LNPK: variants seen among roughly 807,000 people sequenced by gnomAD.
LNPK encodes lunapark, ER junction formation factor, also known as endoplasmic reticulum junction formation protein lunapark.
In LNPK, 29 loss-of-function variants were observed where a neutral mutation model predicts 55.2. That is an observed-to-expected ratio of 0.53 (90% CI 0.39 to 0.72). The LOEUF (loss-of-function observed/expected upper bound fraction) is 0.72. Ranked by LOEUF, LNPK falls within the 30% of genes least tolerant of loss-of-function variation. The pLI is 0.00. For synonymous variants in LNPK, 162 were observed against 168.2 expected, an observed-to-expected ratio of 0.96 and a Z score of 0.29; for missense variants, 467 against 494.8, an observed-to-expected ratio of 0.94 and a Z score of 0.53.
intron 1 of LNPK, among the ~76,000 whole-genome samples, chr2:175,998,611 T>C (rs531934379): frequency 6.6e-6 from 1 of 152,314 alleles, no homozygotes; most frequent in South Asian, 2.1e-4. Flanking sequence ...ATGTAAAATA[T>C]ATGAAACCAC....
At chr2:175,996,042 G>A (rs1687918319) in intron 1 of LNPK, among the ~76,000 whole-genome samples, 1 of 151,748 alleles carries the variant, frequency 6.6e-6, no homozygotes, top group South Asian at 2.1e-4. Context: ...TGAACTCCTG[G>A]CCTCAAGTGA....
At chr2:175,955,775 C>A (rs1265347653) in intron 8 of LNPK, among the ~76,000 whole-genome samples, 3 of 152,096 alleles carry the variant, frequency 2.0e-5, no homozygotes, top group Admixed American at 1.3e-4. Flanking sequence ...AGTGAGTAAA[C>A]TCTAAAACCT....
intron 8 of LNPK, among the ~76,000 whole-genome samples, chr2:175,950,184 G>A (rs1273344566): frequency 6.6e-6 from 1 of 151,988 alleles, no homozygotes; most frequent in Non-Finnish European, 1.5e-5. Flanking sequence ...TACTCACTGA[G>A]GATGATGACA....
At chr2:175,942,628 G>C (rs1477209996) in intron 9 of LNPK, among the ~76,000 whole-genome samples, 1 of 151,498 alleles carries the variant, frequency 6.6e-6, no homozygotes, top group Non-Finnish European at 1.5e-5. Flanking sequence ...ATTTTGAACT[G>C]AATGAAAATG....
At chr2:175,997,914 T>TC (rs1294095329) in intron 1 of LNPK, among the ~76,000 whole-genome samples, 3 of 151,612 alleles carry the variant, frequency 2.0e-5, no homozygotes, top group Non-Finnish European at 2.9e-5. Flanking sequence ...AATTTTTTTT[T>TC]TTTTTTGGTA....
chr2:176,001,514 G>GC (rs1688158555), intron 1 of LNPK, among the ~76,000 whole-genome samples: 1 of 151,998 alleles, frequency 6.6e-6, no homozygotes, highest in South Asian at 2.1e-4. Context: ...CTCCTACCAC[G>GC]CCTCTGATAC....
intron 8 of LNPK, among the ~76,000 whole-genome samples, chr2:175,955,172 A>C (rs1159743026): frequency 6.6e-6 from 1 of 152,214 alleles, no homozygotes; most frequent in East Asian, 1.9e-4. Context: ...TCCTTTCAAC[A>C]AACGGGAGCA....
intron 1 of LNPK, among the ~76,000 whole-genome samples, chr2:175,997,712 T>TGTGC (rs1233563555): frequency 7.0e-6 from 1 of 142,196 alleles, no homozygotes; most frequent in African/African-American, 2.8e-5. Context: ...GCTCTGTGTG[T>TGTGC]GTGTGTGTGT....
chr2:175,967,643 C>G, intron 6 of LNPK: 1 of 984,880 alleles, frequency 1.0e-6, no homozygotes, highest in Non-Finnish European at 1.2e-6. Flanking sequence ...ATCCTTTTAT[C>G]ATGCTGAAAA....
chr2:175,976,986 T>C (rs1350106200), intron 5 of LNPK, among the ~76,000 whole-genome samples: 1 of 152,154 alleles, frequency 6.6e-6, no homozygotes. Context: ...GGTAAACATT[T>C]ACTGAGATGG....
At chr2:175,971,289 T>A (rs1308655622) in intron 5 of LNPK, among the ~76,000 whole-genome samples, 1 of 152,056 alleles carries the variant, frequency 6.6e-6, no homozygotes, top group East Asian at 1.9e-4. Flanking sequence ...CCTTATTGCA[T>A]CTGAGAAGGG....
rs1050100031 is a variant in LNPK, at chr2:176,002,265, G to T, written c.-168C>A. The T allele has an allele frequency of 2.2e-6, 1 of 449,176 alleles. No homozygotes were observed. 27.8% of individuals were successfully genotyped at this position (449,176 alleles called of 1,614,324 possible). ...AGGCAGCAGCCGCCACTGACAGAGAGACAAGCCGGGCCAACTCCTTCCCAT... is the reference window on the plus strand; with the variant it reads ...AGGCAGCAGCCGCCACTGACAGAGATACAAGCCGGGCCAACTCCTTCCCAT... On this transcript the variant is annotated 5_prime_UTR_variant, in exon 1 of 13. Transcript: ENST00000272748.
rs553092748 is a variant in LNPK at position 175,961,456 on chromosome 2, T to A, written c.493+2916A>T. 5.3e-5 allele frequency among the ~76,000 whole-genome samples: 8 copies of A among 152,256 alleles called. No individual in the cohort carries two copies. The East Asian group carries it at 1.5e-3, about 29-fold the overall frequency. On this transcript the variant is annotated intron_variant, in intron 8 of 12. Transcript: ENST00000272748. Reference sequence around the variant, plus strand: ...AACAGAACCAAAGACAAAAACCACATGATTATCTCAATAGATGCAGAAAAG... The same window carrying A: ...AACAGAACCAAAGACAAAAACCACAAGATTATCTCAATAGATGCAGAAAAG...
chr2:175,940,605 T>C (rs1684786862), intron 9 of LNPK, among the ~76,000 whole-genome samples: 1 of 151,888 alleles, frequency 6.6e-6, no homozygotes, highest in African/African-American at 2.4e-5. Flanking sequence ...AAGGTAAAAT[T>C]CACAATCTCT....
chr2:176,002,122 C>G (rs1688188332), intron 1 of LNPK, 38 bp downstream of exon 1: 1 of 407,442 alleles, frequency 2.5e-6, no homozygotes, highest in African/African-American at 2.1e-5. Context: ...CTCCCCGCTG[C>G]AGAGCCCTCC....
Position 175,928,957 on chromosome 2 carries a change from T to C in LNPK, c.*1010A>G. 1 of 249,838 alleles carries C rather than the reference T, an allele frequency of 4.0e-6. No individual in the cohort carries two copies. The highest frequency in any genetic ancestry group is 6.4e-6 in the Non-Finnish European group (1 of 157,190). 15.5% of individuals were successfully genotyped at this position (249,838 alleles called of 1,614,324 possible). A position where few individuals can be genotyped will look rare whatever the true frequency, so the allele number is the denominator to read the frequency against. ...AACCTCTAAATGTCACTATTTCTGT[T>C]AACTAGAAAGGAAACAAGTCTGAAT... On this transcript the variant is annotated 3_prime_UTR_variant, in exon 13 of 13. Coordinates refer to ENST00000272748, the MANE Select transcript of LNPK (RefSeq NM_030650.3).
chr2:175,943,471 C>G (rs967880361), intron 9 of LNPK, among the ~76,000 whole-genome samples: 68 of 151,892 alleles, frequency 4.5e-4, no homozygotes, highest in Non-Finnish European at 8.1e-4. Context: ...AACAAAAAAA[C>G]CACAGACCCA....
At chr2:175,986,326 C>T (rs62187025) in intron 4 of LNPK, among the ~76,000 whole-genome samples, 1 of 151,866 alleles carries the variant, frequency 6.6e-6, no homozygotes. Flanking sequence ...GAGAGCAATA[C>T]AATAAAACTA....
At chr2:175,952,179 C>T (rs1685455340) in intron 8 of LNPK, among the ~76,000 whole-genome samples, 1 of 151,946 alleles carries the variant, frequency 6.6e-6, no homozygotes, top group Non-Finnish European at 1.5e-5. Flanking sequence ...TTCATATTTT[C>T]CCTAGCACTG....
Sources: gnomAD v4.1 joint callset for allele counts (sites outside exome capture counted in the v4.1 genomes callset) on GRCh38, gnomAD v4.1.1 for gene constraint, MANE v1.5 for transcripts, NCBI Gene and HGNC (gene_info 2026-07-23, HGNC 2026-07-21) for gene names.